The following ZNF385D variants were observed in gnomAD, a reference collection of about 807,000 sequenced individuals.
ZNF385D encodes the protein zinc finger protein 659.
A neutral mutation model predicts 35.8 loss-of-function variants in ZNF385D; 15 were observed. The ratio of observed to expected loss-of-function variants is 0.42; its 90% CI spans 0.28 to 0.64. The LOEUF is 0.64. Ranked by LOEUF, ZNF385D falls within the 30% of genes least tolerant of loss-of-function variation. The pLI is 0.23. For synonymous variants in ZNF385D, 212 were observed against 186.8 expected (o/e 1.13, Z -1.10); for missense variants, 474 against 494.6 (o/e 0.96, Z 0.39).
chr3:22,106,224 T>C (rs1326569695), intron 3 of ZNF385D, among the ~76,000 whole-genome samples: 1 of 152,148 alleles, frequency 6.6e-6, no homozygotes, highest in Non-Finnish European at 1.5e-5. Context: ...GTAAGGAAAC[T>C]GGTCATCGAC....
intron 3 of ZNF385D, among the ~76,000 whole-genome samples, chr3:21,851,965 T>C (rs1696412039): frequency 6.6e-6 from 1 of 152,068 alleles, no homozygotes; most frequent in African/African-American, 2.4e-5. Context: ...CAATCATTTA[T>C]TACTGTCTGA....
At chr3:21,421,508 CA>C in intron 7 of ZNF385D, 61 bp from the exon 8 acceptor site, 1 of 1,251,894 alleles carries the variant, frequency 8.0e-7, no homozygotes, top group Non-Finnish European at 1.1e-6. Context: ...ACTTAAAACC[CA>C]AAATGGCAGG....
intron 2 of ZNF385D, among the ~76,000 whole-genome samples, chr3:22,270,891 A>G (rs1402372088): frequency 6.6e-6 from 1 of 152,068 alleles, no homozygotes. Context: ...ATAAAAAACT[A>G]ATATCACACA....
Position 22,204,868 on chromosome 3 carries a change from T to C in ZNF385D, c.107-35833A>G, listed in dbSNP as rs113020818. Among the ~76,000 whole-genome samples the C allele has an allele frequency of 4.0e-3, 576 of 143,402 alleles. 6 individuals are homozygous for C. Among genetic ancestry groups the C allele is most frequent in the African/African-American group, 0.014 (530 of 38,548 alleles). 94.1% of individuals were successfully genotyped at this position (143,402 alleles called of 152,430 possible). ...AAGCATGCCTACAAGATCTAGAAAA[T>C]AGCCTCAAAAGGGCAAATCTAAGAG... On this transcript the variant is annotated intron_variant, in intron 2 of 5. Coordinates refer to the ZNF385D transcript ENST00000494108.
intron 2 of ZNF385D, among the ~76,000 whole-genome samples, chr3:22,213,343 A>C (rs1697648407): frequency 6.6e-6 from 1 of 152,036 alleles, no homozygotes; most frequent in African/African-American, 2.4e-5. Flanking sequence ...TTTGTATCTT[A>C]CTGGTAGCAC....
intron 3 of ZNF385D, among the ~76,000 whole-genome samples, chr3:21,955,067 G>T (rs1201433282): frequency 6.6e-6 from 1 of 152,126 alleles, no homozygotes; most frequent in Non-Finnish European, 1.5e-5. Context: ...GTTACCAACA[G>T]ATGTTTTTGT....
intron 2 of ZNF385D, among the ~76,000 whole-genome samples, chr3:22,252,521 A>G (rs1700114223): frequency 6.6e-6 from 1 of 152,040 alleles, no homozygotes; most frequent in Non-Finnish European, 1.5e-5. Flanking sequence ...AGCAAAGAAA[A>G]GAAAACTACT....
chr3:21,701,527 C>G (rs55877448), intron 1 of ZNF385D, among the ~76,000 whole-genome samples: 7,952 of 152,146 alleles, frequency 0.052, 300 homozygotes, highest in East Asian at 0.13. Context: ...AACCTGGCCC[C>G]TCCAAATCTC....
At chr3:22,127,882 G>A (rs958681182) in intron 3 of ZNF385D, among the ~76,000 whole-genome samples, 1 of 152,022 alleles carries the variant, frequency 6.6e-6, no homozygotes, top group African/African-American at 2.4e-5. Flanking sequence ...TTATTATTTT[G>A]GTAGTTTCAT....
chr3:22,303,522 C>T (rs759544378), intron 2 of ZNF385D, among the ~76,000 whole-genome samples: 53 of 152,100 alleles, frequency 3.5e-4, no homozygotes, highest in Admixed American at 2.0e-4. Flanking sequence ...TTTTTATCAG[C>T]TTGTCTATGT....
chr3:21,963,111 A>G (rs1418187587), intron 3 of ZNF385D, among the ~76,000 whole-genome samples: 3 of 152,228 alleles, frequency 2.0e-5, no homozygotes, highest in Admixed American at 2.0e-4. Flanking sequence ...CTTTCCCAAG[A>G]AATTTAATAC....
At chr3:21,815,885 G>C (rs1315010956) in intron 3 of ZNF385D, among the ~76,000 whole-genome samples, 1 of 152,024 alleles carries the variant, frequency 6.6e-6, no homozygotes, top group Non-Finnish European at 1.5e-5. Flanking sequence ...AAAAAAAAGA[G>C]AATTTTAGAC....
chr3:21,730,571 C>A (rs73822026), intron 1 of ZNF385D, among the ~76,000 whole-genome samples: 1 of 152,112 alleles, frequency 6.6e-6, no homozygotes, highest in Non-Finnish European at 1.5e-5. Flanking sequence ...CTAATGCTAA[C>A]GATAGAGCAG....
At chr3:21,900,856 A>T (rs920901077) in intron 3 of ZNF385D, among the ~76,000 whole-genome samples, 11 of 152,178 alleles carry the variant, frequency 7.2e-5, no homozygotes, top group Admixed American at 7.2e-4. Context: ...GTAATTAATT[A>T]AGTCCCCATG....
intron 3 of ZNF385D, among the ~76,000 whole-genome samples, chr3:21,777,036 T>C (rs2071315971): frequency 6.6e-6 from 1 of 152,006 alleles, no homozygotes; most frequent in Non-Finnish European, 1.5e-5. Flanking sequence ...TGCTACTTAC[T>C]TCCTCAGCCT....
chr3:22,184,063 A>C (rs1465333401), intron 2 of ZNF385D, among the ~76,000 whole-genome samples: 2 of 152,144 alleles, frequency 1.3e-5, no homozygotes, highest in Non-Finnish European at 2.9e-5. Flanking sequence ...CACTTTTAGG[A>C]GTTCTGATCA....
chr3:21,669,992 T>A (rs1420294331), intron 1 of ZNF385D, among the ~76,000 whole-genome samples: 2 of 152,186 alleles, frequency 1.3e-5, no homozygotes, highest in African/African-American at 4.8e-5. Context: ...ACAGACATCC[T>A]GCCTGACAAC....
chr3:22,110,372 AG>A (rs1337325304), intron 3 of ZNF385D, among the ~76,000 whole-genome samples: 2 of 152,024 alleles, frequency 1.3e-5, no homozygotes, highest in Non-Finnish European at 2.9e-5. Flanking sequence ...ACAATAGCAA[AG>A]ACTTGGAACC....
At chr3:22,142,579 C>A (rs1576392694) in intron 3 of ZNF385D, among the ~76,000 whole-genome samples, 1 of 151,902 alleles carries the variant, frequency 6.6e-6, no homozygotes, top group African/African-American at 2.4e-5. Flanking sequence ...TCCTCCTCTA[C>A]GGTGGTCTCC....
Sources: gnomAD v4.1 joint callset for allele counts (sites outside exome capture counted in the v4.1 genomes callset) on GRCh38, gnomAD v4.1.1 for gene constraint, MANE v1.5 for transcripts, NCBI Gene and HGNC (gene_info 2026-07-23, HGNC 2026-07-21) for gene names.